Variants in NEGR1 observed in about 807,000 individuals in gnomAD.
The protein encoded by NEGR1 is IgLON family member 4.
A neutral mutation model predicts 40.9 loss-of-function variants in NEGR1; 10 were observed. The observed-to-expected ratio is 0.24, with a 90% confidence interval of 0.15 to 0.42. The LOEUF (loss-of-function observed/expected upper bound fraction) is 0.42. Ranked by LOEUF, NEGR1 falls within the 10% of genes least tolerant of loss-of-function variation. The probability of loss-of-function intolerance (pLI) is 1.00; values close to 1 mark genes in which losing one functional copy is unlikely to be tolerated. For missense variants in NEGR1, 352 were observed against 438.9 expected, an observed-to-expected ratio of 0.80 and a Z score of 1.77; for synonymous variants, 185 against 166.8, an observed-to-expected ratio of 1.11 and a Z score of -0.84.
At chr1:71,973,345 A>G (rs1188487208) in intron 1 of NEGR1, among the ~76,000 whole-genome samples, 4 of 151,674 alleles carry the variant, frequency 2.6e-5, no homozygotes, top group Admixed American at 6.6e-5. Flanking sequence ...AAAGAAACAG[A>G]ATCTTCTGAA....
chr1:72,015,395 G>T (rs1385810268), intron 1 of NEGR1, among the ~76,000 whole-genome samples: 1 of 151,202 alleles, frequency 6.6e-6, no homozygotes, highest in Non-Finnish European at 1.5e-5. Flanking sequence ...TGTTCTTTAG[G>T]CCTGAGTATC....
chr1:72,202,812 A>T (rs1653262415), intron 1 of NEGR1, among the ~76,000 whole-genome samples: 2 of 152,016 alleles, frequency 1.3e-5, no homozygotes, highest in African/African-American at 4.8e-5. Context: ...GTTGAAGCCA[A>T]TGCTCATTTA....
At chr1:71,649,852 T>C (rs1433437647) in intron 4 of NEGR1, among the ~76,000 whole-genome samples, 1 of 152,122 alleles carries the variant, frequency 6.6e-6, no homozygotes, top group Non-Finnish European at 1.5e-5. Flanking sequence ...ATGTGTGAGC[T>C]TAAGACAAGT....
rs931874442 is a variant in NEGR1, at chr1:72,176,347, C to A, written c.176+105972G>T. On this transcript the variant is annotated intron_variant, in intron 1 of 6. Coordinates refer to ENST00000357731, the MANE Select transcript of NEGR1 (RefSeq NM_173808.3). ...TTGTTCAAAGCATTCATAGACCAAT[C>A]ACTGTGCTAATGTTTTACCAGGAGC... Among the ~76,000 whole-genome samples the A allele has an allele frequency of 2.0e-5, 3 of 152,174 alleles. 1 individual carries two copies. Among genetic ancestry groups the A allele is most frequent in the Admixed American group, 2.0e-4 (3 of 15,254 alleles).
At chr1:72,044,743 A>C (rs941525760) in intron 1 of NEGR1, among the ~76,000 whole-genome samples, 1 of 151,876 alleles carries the variant, frequency 6.6e-6, no homozygotes, top group African/African-American at 2.4e-5. Flanking sequence ...GCTAAGGATT[A>C]ATCATAAATA....
intron 2 of NEGR1, among the ~76,000 whole-genome samples, chr1:71,818,428 G>A (rs58539681): frequency 0.13 from 20,029 of 151,862 alleles, 1,632 homozygotes; most frequent in African/African-American, 0.23. Context: ...AACTAATGCA[G>A]GAACAGAAAA....
intron 1 of NEGR1, among the ~76,000 whole-genome samples, chr1:71,990,915 TATA>T (rs1191887984): frequency 5.0e-5 from 6 of 119,152 alleles, no homozygotes; most frequent in African/African-American, 9.1e-5. Flanking sequence ...TATATATATA[TATA>T]TTTTTTTTTT....
intron 1 of NEGR1, among the ~76,000 whole-genome samples, chr1:72,091,529 T>C (rs1386534618): frequency 1.3e-5 from 2 of 150,716 alleles, no homozygotes; most frequent in African/African-American, 2.4e-5. Flanking sequence ...CACAGCCCCA[T>C]AGGAGAGCCA....
intron 1 of NEGR1, among the ~76,000 whole-genome samples, chr1:72,262,246 A>C (rs999534969): frequency 1.3e-5 from 2 of 152,032 alleles, no homozygotes; most frequent in Non-Finnish European, 2.9e-5. Flanking sequence ...GTGGAATAAT[A>C]TATGTAGAAA....
At position 71,839,058 on chromosome 1, in the gene NEGR1, T is replaced by C. The variant is rs1258128570; in HGVS notation, c.410-62761A>G. On this transcript the variant is annotated intron_variant, in intron 2 of 6. Coordinates refer to ENST00000357731, the MANE Select transcript of NEGR1 (RefSeq NM_173808.3). ...GACCACATTGGGAAAGTTGAAATGC[T>C]GTGTGCATATCTGTGCCTCAGCAAA... Among the ~76,000 whole-genome samples, 7 of 152,066 alleles carry C rather than the reference T, an allele frequency of 4.6e-5. No individual in the cohort carries two copies. The East Asian group carries it at 7.8e-4, about 17-fold the overall frequency.
intron 1 of NEGR1, among the ~76,000 whole-genome samples, chr1:72,059,079 T>C (rs750421633): frequency 6.6e-6 from 1 of 151,646 alleles, no homozygotes; most frequent in Non-Finnish European, 1.5e-5. Flanking sequence ...CTGCAACACA[T>C]TGATTTCTTT....
At chr1:72,235,748 G>GCAGGAAGTAA (rs1333765887) in intron 1 of NEGR1, among the ~76,000 whole-genome samples, 1 of 151,968 alleles carries the variant, frequency 6.6e-6, no homozygotes, top group African/African-American at 2.4e-5. Context: ...AGGGTCTTGT[G>GCAGGAAGTAA]CAGGAAGTAA....
rs1646285602 is a variant in NEGR1, at chr1:71,407,500, C to G, written c.1011G>C (p.Leu337Phe). 4 of 1,611,982 alleles carry G rather than the reference C, an allele frequency of 2.5e-6. No individual in the cohort carries two copies. The highest frequency in any genetic ancestry group is 3.4e-6 in the Non-Finnish European group (4 of 1,178,278). ...ATATGCTGGTGAAAGAGGACAGTGT[C>G]AACACAAGGTACCAGCAGGAGAAAA... ...DVLFSCWYLV[L>F]TLSSFTSIFY... Residue 337 changes from leucine (L) to phenylalanine (F), a missense_variant, in exon 7 of 7, where the codon TTG (leucine) becomes TTC (phenylalanine). By Grantham distance (22) the Leu-to-Phe change is conservative. Around this residue, in one of 5 missense-constraint regions of NEGR1, gnomAD observed 184 missense variants for 208.7 expected, o/e 0.88. Coordinates refer to ENST00000357731, the MANE Select transcript of NEGR1 (RefSeq NM_173808.3).
intron 2 of NEGR1, among the ~76,000 whole-genome samples, chr1:71,793,308 A>T: frequency 1.6e-4 from 1 of 6,354 alleles, no homozygotes; most frequent in Non-Finnish European, 4.6e-4. Context: ...CAGGGGTTTC[A>T]CGATATTGGC....
intron 3 of NEGR1, among the ~76,000 whole-genome samples, chr1:71,737,060 G>A (rs1298889578): frequency 6.6e-6 from 1 of 152,236 alleles, no homozygotes; most frequent in Non-Finnish European, 1.5e-5. Flanking sequence ...AACCATTCAT[G>A]CATGTTTTAA....
At chr1:72,076,247 A>T (rs1261877046) in intron 1 of NEGR1, among the ~76,000 whole-genome samples, 1 of 152,082 alleles carries the variant, frequency 6.6e-6, no homozygotes, top group Non-Finnish European at 1.5e-5. Flanking sequence ...TAGAGTCCTC[A>T]TGATAGGAAT....
rs1307054596 is a variant in NEGR1, at chr1:71,769,203, A to C, written c.535+6969T>G. ...TTTTCTTACTATTTCTAGGCTTATT[A>C]ATACAATCATATGTAATACAATTTT... On this transcript the variant is annotated intron_variant, in intron 3 of 6. Transcript: ENST00000357731. Among the ~76,000 whole-genome samples the C allele has an allele frequency of 5.3e-5, 8 of 151,940 alleles. No homozygotes were observed. The East Asian group carries it at 1.6e-3, about 29-fold the overall frequency.
chr1:71,492,950 GTT>G (rs1403368578), intron 6 of NEGR1, among the ~76,000 whole-genome samples: 1 of 152,012 alleles, frequency 6.6e-6, no homozygotes, highest in African/African-American at 2.4e-5. Context: ...TCCCAAAATT[GTT>G]CTCCATTGTG....
chr1:72,271,678 G>A (rs1655848200), intron 1 of NEGR1, among the ~76,000 whole-genome samples: 1 of 151,828 alleles, frequency 6.6e-6, no homozygotes, highest in African/African-American at 2.4e-5. Context: ...ATCATGGAAA[G>A]GTTATATGGT....
Sources: gnomAD v4.1 joint callset for allele counts (sites outside exome capture counted in the v4.1 genomes callset) on GRCh38, gnomAD v4.1.1 for gene constraint, gnomAD v4.1.1 regional missense constraint, MANE v1.5 for transcripts, NCBI Gene and HGNC (gene_info 2026-07-23, HGNC 2026-07-21) for gene names.